FARP1: variants seen among roughly 807,000 people sequenced by gnomAD.
FARP1 encodes FERM, ARH/RhoGEF and pleckstrin domain protein 1, also known as FERM, ARHGEF and pleckstrin domain-containing protein 1.
A neutral mutation model predicts 128.8 loss-of-function variants in FARP1; 52 were observed. The ratio of observed to expected loss-of-function variants is 0.40; its 90% CI spans 0.32 to 0.51. FARP1 has a LOEUF of 0.51. FARP1 is among the 20% of genes least tolerant of loss of function. FARP1 has a pLI of 0.45. For synonymous variants in FARP1, 580 were observed against 551.8 expected (o/e 1.05, Z -0.72); for missense variants, 1,333 against 1,367.9 (o/e 0.97, Z 0.40).
chr13:98,368,418 A>G (rs1314714221), intron 5 of FARP1, among the ~76,000 whole-genome samples: 1 of 152,238 alleles, frequency 6.6e-6, no homozygotes, highest in Non-Finnish European at 1.5e-5. Flanking sequence ...TGTGATATGA[A>G]GTGAATCCTG....
intron 1 of FARP1, among the ~76,000 whole-genome samples, chr13:98,211,160 C>A (rs942963379): frequency 1.3e-5 from 2 of 152,178 alleles, no homozygotes; most frequent in Non-Finnish European, 1.5e-5. Context: ...TTCAGCCAGG[C>A]ATTTGAAGTC....
chr13:98,234,975 T>C (rs1318667881), intron 2 of FARP1, among the ~76,000 whole-genome samples: 6 of 152,240 alleles, frequency 3.9e-5, no homozygotes, highest in African/African-American at 1.2e-4. Context: ...TCCAGTGATA[T>C]CAATCAAAAT....
intron 2 of FARP1, chr13:98,244,623 C>G: frequency 3.7e-6 from 6 of 1,614,202 alleles, no homozygotes; most frequent in Non-Finnish European, 5.1e-6. Flanking sequence ...TCTCACTCAT[C>G]TTACAGGCTC....
At chr13:98,438,005 G>A (rs376744829) in intron 19 of FARP1, 14 of 630,646 alleles carry the variant, frequency 2.2e-5, no homozygotes, top group South Asian at 8.6e-5. Context: ...GAGGGAGCAC[G>A]TTCTGGAAGT....
At chr13:98,245,513 C>T (rs542884147) in intron 2 of FARP1, among the ~76,000 whole-genome samples, 16 of 152,232 alleles carry the variant, frequency 1.1e-4, no homozygotes, top group East Asian at 3.9e-4. Context: ...CTTGTGTAAA[C>T]GCAAAGCTTA....
Position 98,400,619 on chromosome 13 carries a change from A to T in FARP1, c.1414+5143A>T, listed in dbSNP as rs1594491621. On this transcript the variant is annotated intron_variant, in intron 13 of 26. Transcript: ENST00000319562. ...GTTTATGTTGGTTTTATTTGCTTCT[A>T]TCTGGATCCCTTCTCTTTGCCTGGG... 5 of 152,212 alleles carry T rather than the reference A, an allele frequency of 3.3e-5. No homozygotes were observed. In the South Asian group the frequency reaches 1.0e-3, roughly 32 times the overall value. 9.4% of individuals were successfully genotyped at this position (152,212 alleles called of 1,614,324 possible).
intron 2 of FARP1, among the ~76,000 whole-genome samples, chr13:98,241,050 T>C (rs2139446907): frequency 6.6e-6 from 1 of 152,312 alleles, no homozygotes; most frequent in South Asian, 2.1e-4. Context: ...CACGCGCACA[T>C]GGCAGTCGAA....
chr13:98,271,166 T>C (rs1004130354), intron 2 of FARP1, among the ~76,000 whole-genome samples: 6 of 152,028 alleles, frequency 3.9e-5, no homozygotes, highest in African/African-American at 1.5e-4. Flanking sequence ...CACCTGAGAG[T>C]CTGCTCTGGC....
intron 2 of FARP1, among the ~76,000 whole-genome samples, chr13:98,237,338 T>G (rs1377791112): frequency 6.6e-6 from 1 of 152,030 alleles, no homozygotes. Context: ...TATCAAAACT[T>G]ACACAAACGC....
chr13:98,195,980 C>T (rs1879548632), intron 1 of FARP1, among the ~76,000 whole-genome samples: 1 of 152,106 alleles, frequency 6.6e-6, no homozygotes, highest in South Asian at 2.1e-4. Flanking sequence ...GAACTGTGAT[C>T]GTATCACTGC....
intron 5 of FARP1, among the ~76,000 whole-genome samples, chr13:98,370,052 G>A (rs1486211768): frequency 6.6e-6 from 1 of 152,240 alleles, no homozygotes; most frequent in Admixed American, 6.5e-5. Flanking sequence ...AAATAAACAA[G>A]ATAATATCAG....
At chr13:98,146,653 G>A (rs1353970058) in intron 1 of FARP1, among the ~76,000 whole-genome samples, 1 of 152,212 alleles carries the variant, frequency 6.6e-6, no homozygotes, top group African/African-American at 2.4e-5. Flanking sequence ...AGCTGAAGGT[G>A]CTACAGATAA....
intron 5 of FARP1, among the ~76,000 whole-genome samples, chr13:98,370,528 A>G (rs1889281271): frequency 7.7e-6 from 1 of 129,680 alleles, no homozygotes; most frequent in East Asian, 2.7e-4. Flanking sequence ...GTGGTGGTGG[A>G]CTTTGAGGGA....
chr13:98,334,823 T>C (rs1273946074), intron 2 of FARP1, among the ~76,000 whole-genome samples: 1 of 152,192 alleles, frequency 6.6e-6, no homozygotes, highest in Non-Finnish European at 1.5e-5. Flanking sequence ...AAGGTGGCCA[T>C]CTGCAAGCCA....
intron 2 of FARP1, among the ~76,000 whole-genome samples, chr13:98,286,586 C>G (rs781324940): frequency 6.6e-6 from 1 of 152,130 alleles, no homozygotes; most frequent in African/African-American, 2.4e-5. Flanking sequence ...TGAGGCCTCC[C>G]CAGCCATGTG....
rs371310874 is a variant in FARP1 at position 98,393,703 on chromosome 13, G to T, written c.1149G>T (p.Ser383=). The change falls in exon 12 of 27, where the codon TCG becomes TCT. Residue 383 remains serine (S), a synonymous_variant. Transcript: ENST00000319562. Reference sequence around the variant, plus strand: ...CTTCACAGCCTACAGAACTGAATTCGGAAGTGCTGGAGCAGGTCAGTGATG... The same window carrying T: ...CTTCACAGCCTACAGAACTGAATTCTGAAGTGCTGGAGCAGGTCAGTGATG... ...SLASQPTELN[S]EVLEQSQQST... is the part of the protein sequence containing the mutation. 5.7e-5 allele frequency: 92 copies of T among 1,613,490 alleles called. No individual in the cohort carries two copies. The highest frequency in any genetic ancestry group is 7.0e-5 in the Non-Finnish European group (83 of 1,179,594).
chr13:98,433,698 T>A (rs1036901899), intron 18 of FARP1: 3 of 152,534 alleles, frequency 2.0e-5, no homozygotes, highest in Non-Finnish European at 2.9e-5. Context: ...GCGACAGACC[T>A]AGACCCAGTC....
At chr13:98,310,487 A>T (rs1886411182) in intron 2 of FARP1, among the ~76,000 whole-genome samples, 1 of 152,220 alleles carries the variant, frequency 6.6e-6, no homozygotes. Context: ...GAAACTAGGA[A>T]TTTAAATATT....
intron 2 of FARP1, among the ~76,000 whole-genome samples, chr13:98,240,257 G>T (rs1213241510): frequency 6.6e-6 from 1 of 152,218 alleles, no homozygotes; most frequent in African/African-American, 2.4e-5. Flanking sequence ...GATGACGAAT[G>T]AATGATTAGA....
Sources: gnomAD v4.1 joint callset for allele counts (sites outside exome capture counted in the v4.1 genomes callset) on GRCh38, gnomAD v4.1.1 for gene constraint, MANE v1.5 for transcripts, NCBI Gene and HGNC (gene_info 2026-07-23, HGNC 2026-07-21) for gene names.